Variants in PAPPA2 observed in about 807,000 individuals in gnomAD.
PAPPA2 encodes pappalysin-2.
Under a neutral mutation model 176.4 loss-of-function variants are expected in PAPPA2, and 86 were observed. The ratio of observed to expected loss-of-function variants is 0.49; its 90% CI spans 0.41 to 0.58. The LOEUF is 0.58. Among genes scored for constraint, PAPPA2 ranks in the 20% least tolerant of loss-of-function variants. PAPPA2 has a pLI of 0.00. For synonymous variants in PAPPA2, 809 were observed against 852.2 expected (o/e 0.95, Z 0.88); for missense variants, 2,073 against 2,256.9 (o/e 0.92, Z 1.65).
intron 8 of PAPPA2, among the ~76,000 whole-genome samples, chr1:176,701,675 A>G (rs1244605136): frequency 6.6e-6 from 1 of 152,120 alleles, no homozygotes; most frequent in Non-Finnish European, 1.5e-5. Flanking sequence ...AAAGTCTGTT[A>G]AAGAAGAGAG....
Position 176,664,492 on chromosome 1 carries a change from G to A in PAPPA2, c.1992-6478G>A, listed in dbSNP as rs112518180. On this transcript the variant is annotated intron_variant, in intron 3 of 22. Transcript: ENST00000367662. ...TTAAGTACTTGTATGATTAGATTGG[G>A]TCCACTGGGATAATCCAGAATAATC... Among the ~76,000 whole-genome samples the A allele has an allele frequency of 4.9e-3, 741 of 152,204 alleles. 5 individuals carry two copies. Among genetic ancestry groups the A allele is most frequent in the African/African-American group, 0.017 (706 of 41,530 alleles).
intron 10 of PAPPA2, 54 bp from the exon 11 acceptor site, chr1:176,709,929 T>C (rs1055102448): frequency 6.7e-7 from 1 of 1,483,582 alleles, no homozygotes; most frequent in African/African-American, 1.4e-5. Flanking sequence ...TGTTCATTTT[T>C]TTCATGACAT....
intron 1 of PAPPA2, among the ~76,000 whole-genome samples, chr1:176,495,277 C>T (rs1424044361): frequency 3.9e-5 from 6 of 152,070 alleles, no homozygotes; most frequent in African/African-American, 1.2e-4. Context: ...AACTTAACAG[C>T]TGCCTGTAAC....
chr1:176,779,476 TCACACACACACACA>T (rs376976102), intron 17 of PAPPA2, among the ~76,000 whole-genome samples: 75 of 126,968 alleles, frequency 5.9e-4, no homozygotes, highest in African/African-American at 1.9e-3. Flanking sequence ...TCCATACTCA[TCACACACACACACA>T]CACACACACA....
chr1:176,832,737 A>C (rs1245657280), intron 21 of PAPPA2, among the ~76,000 whole-genome samples: 4 of 152,232 alleles, frequency 2.6e-5, no homozygotes, highest in East Asian at 3.8e-4. Flanking sequence ...CCTTGGAGTA[A>C]GTGAAGTCAA....
rs1024791432 is a variant in PAPPA2, at chr1:176,633,486, C to A, written c.1992-37484C>A. Among the ~76,000 whole-genome samples, 3 of 151,918 alleles carry A rather than the reference C, an allele frequency of 2.0e-5. No homozygotes were observed. In the East Asian group the frequency reaches 5.8e-4, roughly 29 times the overall value. ...GAATTTGGTTTAAGAGGGTAGGGAACAATTAGTGGTTATGAAATACTTAAT... is the reference window on the plus strand; with the variant it reads ...GAATTTGGTTTAAGAGGGTAGGGAAAAATTAGTGGTTATGAAATACTTAAT... On this transcript the variant is annotated intron_variant, in intron 3 of 22. Coordinates refer to ENST00000367662, the MANE Select transcript of PAPPA2 (RefSeq NM_020318.3).
At position 176,557,057 on chromosome 1, in the gene PAPPA2, G is replaced by C; in HGVS notation, c.735G>C (p.Glu245Asp). 1.2e-6 allele frequency: 2 copies of C among 1,613,656 alleles called. No homozygotes were observed. The highest frequency in any genetic ancestry group is 1.1e-5 in the South Asian group (1 of 91,000). The change falls in exon 2 of 23, where the codon GAG (glutamate) becomes GAC (aspartate). Residue 245 changes from glutamate (E) to aspartate (D), a missense_variant. Physicochemically the swap from Glu to Asp is conservative, Grantham distance 45. Transcript: ENST00000367662. Reference protein sequence around the residue: ...PPEESNQNGGEGSYREAETFN... With the variant: ...PPEESNQNGGDGSYREAETFN... ...AGGAAAGCAACCAAAATGGTGGAGA[G>C]GGCTCCTACCGAGAAGCAGAGACCT...
chr1:176,686,597 G>A (rs555434937), intron 4 of PAPPA2, among the ~76,000 whole-genome samples: 1 of 152,310 alleles, frequency 6.6e-6, no homozygotes, highest in African/African-American at 2.4e-5. Context: ...AGGTCTGAGA[G>A]TAGGATGGCT....
At chr1:176,653,782 T>C in intron 3 of PAPPA2, among the ~76,000 whole-genome samples, 1 of 151,690 alleles carries the variant, frequency 6.6e-6, no homozygotes, top group Admixed American at 6.6e-5. Flanking sequence ...TCTTTTGGAA[T>C]TGCATTTGTC....
chr1:176,706,584 C>A, intron 10 of PAPPA2, 134 bp downstream of exon 10: 1 of 721,522 alleles, frequency 1.4e-6, no homozygotes, highest in Non-Finnish European at 2.3e-6. Context: ...GTATGCCAGG[C>A]ATGAATTGTT....
chr1:176,750,032 T>A (rs1327020477), intron 14 of PAPPA2, among the ~76,000 whole-genome samples: 1 of 152,190 alleles, frequency 6.6e-6, no homozygotes, highest in Non-Finnish European at 1.5e-5. Flanking sequence ...AAGAGGATAT[T>A]TAGTTTTATA....
intron 4 of PAPPA2, among the ~76,000 whole-genome samples, chr1:176,673,492 T>G (rs1659121170): frequency 6.6e-6 from 1 of 152,140 alleles, no homozygotes; most frequent in South Asian, 2.1e-4. Context: ...ATAGCAAGGT[T>G]TACCCAGCAG....
At chr1:176,582,361 G>A (rs545085448) in intron 2 of PAPPA2, among the ~76,000 whole-genome samples, 8 of 152,164 alleles carry the variant, frequency 5.3e-5, no homozygotes, top group South Asian at 2.1e-4. Context: ...TGTCAAATAA[G>A]AGTGGTGAAA....
chr1:176,709,191 T>A (rs1266024093), intron 10 of PAPPA2, among the ~76,000 whole-genome samples: 1 of 152,162 alleles, frequency 6.6e-6, no homozygotes, highest in Non-Finnish European at 1.5e-5. Flanking sequence ...TTATCACCTG[T>A]TTGCTTTTGA....
At chr1:176,813,155 T>G (rs1317043070) in intron 21 of PAPPA2, among the ~76,000 whole-genome samples, 5 of 152,226 alleles carry the variant, frequency 3.3e-5, no homozygotes, top group Admixed American at 3.3e-4. Flanking sequence ...TATTCCTTGG[T>G]GCATATGTAC....
At chr1:176,700,390 C>T (rs980494283) in intron 8 of PAPPA2, among the ~76,000 whole-genome samples, 26 of 152,262 alleles carry the variant, frequency 1.7e-4, no homozygotes, top group South Asian at 6.2e-4. Flanking sequence ...TTAGTTTTTG[C>T]TGCATTAGAA....
chr1:176,777,887 G>A (rs1664530424), intron 17 of PAPPA2, among the ~76,000 whole-genome samples: 1 of 151,748 alleles, frequency 6.6e-6, no homozygotes, highest in Non-Finnish European at 1.5e-5. Context: ...CCAGGTTAAT[G>A]GCTCTTACAA....
chr1:176,549,683 G>A (rs1342389849), intron 1 of PAPPA2, among the ~76,000 whole-genome samples: 2 of 152,292 alleles, frequency 1.3e-5, no homozygotes, highest in East Asian at 1.9e-4. Context: ...GAGTCTAGGC[G>A]AGATGGCCAG....
chr1:176,784,282 G>T (rs527493289), intron 17 of PAPPA2, among the ~76,000 whole-genome samples: 1 of 152,152 alleles, frequency 6.6e-6, no homozygotes. Context: ...TCAAGGAGTC[G>T]TTTGGTTCCT....
Sources: gnomAD v4.1 joint callset for allele counts (sites outside exome capture counted in the v4.1 genomes callset) on GRCh38, gnomAD v4.1.1 for gene constraint, MANE v1.5 for transcripts, NCBI Gene and HGNC (gene_info 2026-07-23, HGNC 2026-07-21) for gene names.